The following ZNF536 variants were observed in gnomAD, a reference collection of about 807,000 sequenced individuals.
ZNF536 encodes the protein zinc finger protein 536.
Under a neutral mutation model 84.5 loss-of-function variants are expected in ZNF536, and 13 were observed. The ratio of observed to expected loss-of-function variants is 0.15; its 90% CI spans 0.10 to 0.24. ZNF536 has a LOEUF of 0.24. Ranked by LOEUF, ZNF536 falls within the 10% of genes least tolerant of loss-of-function variation. The pLI is 1.00. For missense variants in ZNF536, 1,536 were observed against 1,747.5 expected (o/e 0.88, Z 2.16); for synonymous variants, 811 against 742.5 (o/e 1.09, Z -1.50).
chr19:30,635,689 G>A (rs1254172794), intron 1 of ZNF536, among the ~76,000 whole-genome samples: 1 of 152,232 alleles, frequency 6.6e-6, no homozygotes, highest in Admixed American at 6.5e-5. Context: ...GCAGATTGGA[G>A]GAGCAGCTGC....
At chr19:30,659,611 G>A (rs2050045217) in intron 1 of ZNF536, among the ~76,000 whole-genome samples, 1 of 152,348 alleles carries the variant, frequency 6.6e-6, no homozygotes, top group East Asian at 1.9e-4. Context: ...CGTCTGCATG[G>A]CAGCAGGCAA....
At chr19:30,348,666 G>T (rs1439132719) in intron 2 of ZNF536, among the ~76,000 whole-genome samples, 1 of 152,180 alleles carries the variant, frequency 6.6e-6, no homozygotes, top group East Asian at 1.9e-4. Context: ...TATCTGTCTT[G>T]AGTCTCATGA....
chr19:30,384,918 AG>A (rs922798136), intron 1 of ZNF536, among the ~76,000 whole-genome samples: 1 of 151,908 alleles, frequency 6.6e-6, no homozygotes. Flanking sequence ...CCAGCTACTC[AG>A]GAGGCTGAGG....
At chr19:30,573,663 C>T (rs2046629752) in intron 1 of ZNF536, among the ~76,000 whole-genome samples, 1 of 152,328 alleles carries the variant, frequency 6.6e-6, no homozygotes, top group Admixed American at 6.5e-5. Context: ...ACTACACCCA[C>T]CCGGTTTCCT....
At chr19:30,648,088 C>T (rs895125278) in intron 1 of ZNF536, among the ~76,000 whole-genome samples, 18 of 152,170 alleles carry the variant, frequency 1.2e-4, no homozygotes, top group African/African-American at 4.1e-4. Flanking sequence ...GTACTGTGGG[C>T]TCATCCTCAG....
chr19:30,586,236 G>A (rs898408735), intron 1 of ZNF536, among the ~76,000 whole-genome samples: 2 of 152,250 alleles, frequency 1.3e-5, no homozygotes, highest in Non-Finnish European at 1.5e-5. Context: ...TCCTGGTTCC[G>A]TCGCTGGATG....
intron 2 of ZNF536, among the ~76,000 whole-genome samples, chr19:30,340,456 C>T (rs575274128): frequency 3.3e-5 from 5 of 152,272 alleles, no homozygotes; most frequent in East Asian, 1.9e-4. Flanking sequence ...GGCTTGGACT[C>T]GATGCATAAT....
intron 1 of ZNF536, among the ~76,000 whole-genome samples, chr19:30,639,728 G>A (rs1047602355): frequency 6.6e-6 from 1 of 152,166 alleles, no homozygotes; most frequent in Non-Finnish European, 1.5e-5. Flanking sequence ...GCCTTACAAA[G>A]CCCTAGATTC....
chr19:30,473,346 G>T (rs954720121), intron 2 of ZNF536, among the ~76,000 whole-genome samples: 1 of 152,052 alleles, frequency 6.6e-6, no homozygotes, highest in African/African-American at 2.4e-5. Flanking sequence ...TGGTGTTTTA[G>T]CCCAGCGTGT....
intron 4 of ZNF536, among the ~76,000 whole-genome samples, chr19:30,550,231 G>A (rs1473501804): frequency 6.6e-6 from 1 of 152,250 alleles, no homozygotes; most frequent in African/African-American, 2.4e-5. Flanking sequence ...ATTCATGCTT[G>A]TCTGATCCTG....
intron 2 of ZNF536, among the ~76,000 whole-genome samples, chr19:30,451,614 A>G (rs1313103556): frequency 1.3e-5 from 2 of 152,184 alleles, no homozygotes; most frequent in African/African-American, 2.4e-5. Flanking sequence ...AAAATTGCAG[A>G]GGCAGAGCAC....
chr19:30,496,628 G>A (rs1204170458), intron 2 of ZNF536, among the ~76,000 whole-genome samples: 2 of 152,190 alleles, frequency 1.3e-5, no homozygotes, highest in Non-Finnish European at 2.9e-5. Context: ...GGGAAAGGCA[G>A]CAGAGGCAGT....
chr19:30,227,080 A>T (rs1184752212), upstream of ZNF536, among the ~76,000 whole-genome samples: 1 of 152,092 alleles, frequency 6.6e-6, no homozygotes, highest in Non-Finnish European at 1.5e-5. Context: ...AGTTTTGCAA[A>T]TAATTTAAAA....
At chr19:30,701,596 G>T (rs1267782940) in intron 1 of ZNF536, among the ~76,000 whole-genome samples, 5 of 152,114 alleles carry the variant, frequency 3.3e-5, no homozygotes, top group African/African-American at 7.2e-5. Flanking sequence ...CCCTTCAGGG[G>T]GTTCATGGAC....
chr19:30,246,769 G>C (rs2024303316), intron 1 of ZNF536, among the ~76,000 whole-genome samples: 1 of 152,240 alleles, frequency 6.6e-6, no homozygotes, highest in Admixed American at 6.5e-5. Context: ...CTGTCTAGCG[G>C]TAGCCAAGGC....
chr19:30,337,254 C>A (rs2146487443), intron 2 of ZNF536, among the ~76,000 whole-genome samples: 1 of 152,272 alleles, frequency 6.6e-6, no homozygotes, highest in East Asian at 1.9e-4. Flanking sequence ...CTGCCTGGCC[C>A]ACAGAGTGGG....
intron 2 of ZNF536, among the ~76,000 whole-genome samples, chr19:30,286,690 C>T (rs1171509647): frequency 2.6e-5 from 4 of 152,108 alleles, no homozygotes; most frequent in African/African-American, 7.2e-5. Context: ...ATGCAATCAA[C>T]TGAAATCAGG....
intron 2 of ZNF536, among the ~76,000 whole-genome samples, chr19:30,480,773 T>C (rs879378051): frequency 2.2e-4 from 34 of 152,164 alleles, no homozygotes; most frequent in Admixed American, 5.2e-4. Context: ...CAGTGGCTCA[T>C]GCCTGTAATC....
chr19:30,510,626 C>T (rs975840851), intron 2 of ZNF536, among the ~76,000 whole-genome samples: 4 of 152,122 alleles, frequency 2.6e-5, no homozygotes, highest in African/African-American at 9.7e-5. Flanking sequence ...CAGTGCTCCT[C>T]GATGTAGAGT....
Sources: gnomAD v4.1 joint callset for allele counts (sites outside exome capture counted in the v4.1 genomes callset) on GRCh38, gnomAD v4.1.1 for gene constraint, MANE v1.5 for transcripts, NCBI Gene and HGNC (gene_info 2026-07-23, HGNC 2026-07-21) for gene names.